Variants in GNA14 observed in about 807,000 individuals in gnomAD.
GNA14 encodes guanine nucleotide-binding protein subunit alpha-14.
Under a neutral mutation model 42.0 loss-of-function variants are expected in GNA14, and 50 were observed. That is an observed-to-expected ratio of 1.19 (90% CI 0.95 to 1.51). The LOEUF (loss-of-function observed/expected upper bound fraction) is 1.51. Among genes scored for constraint, GNA14 ranks in the 40% most tolerant of loss-of-function variants. The pLI, the probability that GNA14 is intolerant of heterozygous loss-of-function variation, is 0.00. For missense variants in GNA14, 473 were observed against 446.2 expected (o/e 1.06, Z -0.54); for synonymous variants, 173 against 163.1 (o/e 1.06, Z -0.46).
intron 2 of GNA14, among the ~76,000 whole-genome samples, chr9:77,519,889 A>G (rs937009626): frequency 6.6e-6 from 1 of 152,116 alleles, no homozygotes; most frequent in Non-Finnish European, 1.5e-5. Context: ...ATATGCCTGT[A>G]ATCCCAGCTA....
rs546898763 is a variant in GNA14, at chr9:77,631,415, T to G, written c.124+16255A>C. ...AAAACATCTTGTATTACAGAGAATC[T>G]GTATTCAGGAGACTGCTAGCAGTCT... On this transcript the variant is annotated intron_variant, in intron 1 of 6. Coordinates refer to ENST00000341700, the MANE Select transcript of GNA14 (RefSeq NM_004297.4). Among the ~76,000 whole-genome samples, 3 of 150,038 alleles carry G rather than the reference T, an allele frequency of 2.0e-5. No individual in the cohort carries two copies. The East Asian group carries it at 5.9e-4, about 30-fold the overall frequency.
At chr9:77,584,507 A>C in intron 1 of GNA14, among the ~76,000 whole-genome samples, 1 of 147,848 alleles carries the variant, frequency 6.8e-6, no homozygotes, top group South Asian at 2.2e-4. Context: ...CCTGTGACTT[A>C]CCCCCCACCC....
intron 2 of GNA14, among the ~76,000 whole-genome samples, chr9:77,510,274 T>A (rs1048039609): frequency 6.6e-6 from 1 of 152,224 alleles, no homozygotes; most frequent in African/African-American, 2.4e-5. Context: ...CCAAGGTTCA[T>A]GCATGTTGTA....
chr9:77,642,031 C>CA lies in GNA14; in HGVS notation c.124+5638dup, dbSNP rs112679683. On this transcript the variant is annotated intron_variant, in intron 1 of 6. Transcript: ENST00000341700. The stretch of plus-strand genomic sequence containing the variant: ...CGGTTCCAAATAAAAAGTAAACAAA[C>CA]AAAAAAAAAGATTTGGAGCAGGAGA... 2.8e-3 allele frequency among the ~76,000 whole-genome samples: 417 copies of CA among 150,518 alleles called. 2 individuals are homozygous for CA. Among genetic ancestry groups the CA allele is most frequent in the African/African-American group, 7.5e-3 (306 of 41,010 alleles).
At chr9:77,625,972 T>C (rs1481151944) in intron 1 of GNA14, among the ~76,000 whole-genome samples, 2 of 151,920 alleles carry the variant, frequency 1.3e-5, no homozygotes, top group Admixed American at 1.3e-4. Context: ...CCCCTTGGTG[T>C]GCTGTATTCA....
At chr9:77,506,401 G>A (rs1837070555) in intron 2 of GNA14, among the ~76,000 whole-genome samples, 1 of 151,994 alleles carries the variant, frequency 6.6e-6, no homozygotes, top group African/African-American at 2.4e-5. Context: ...ATGAGAGGCC[G>A]GGCGCAGTGG....
chr9:77,578,797 G>C (rs1487768035), intron 1 of GNA14, among the ~76,000 whole-genome samples: 1 of 152,146 alleles, frequency 6.6e-6, no homozygotes, highest in Non-Finnish European at 1.5e-5. Context: ...CAAATACAAA[G>C]AGGATTCATT....
At chr9:77,427,223 C>T (rs2131686336) in intron 5 of GNA14, among the ~76,000 whole-genome samples, 1 of 152,152 alleles carries the variant, frequency 6.6e-6, no homozygotes, top group East Asian at 1.9e-4. Context: ...GTCCCTTGTG[C>T]ACCTTACTAA....
In GNA14 at chr9:77,647,979, T is replaced by G; in HGVS notation, c.-186A>C. On this transcript the variant is annotated 5_prime_UTR_variant, in exon 1 of 7. Coordinates refer to ENST00000341700, the MANE Select transcript of GNA14 (RefSeq NM_004297.4). ...TCAATCCCCCTTCGAAAGTCGGCTCTGAGGCGGGGTGAATGCCGAGCGCTG... is the reference window on the plus strand; with the variant it reads ...TCAATCCCCCTTCGAAAGTCGGCTCGGAGGCGGGGTGAATGCCGAGCGCTG... 1 of 637,996 alleles carries G rather than the reference T, an allele frequency of 1.6e-6. No individual in the cohort carries two copies. Among genetic ancestry groups the G allele is most frequent in the Non-Finnish European group, 2.6e-6 (1 of 386,718 alleles). 39.5% of individuals were successfully genotyped at this position (637,996 alleles called of 1,614,324 possible).
intron 1 of GNA14, chr9:77,635,215 T>A (rs1404372904): frequency 3.3e-5 from 5 of 152,138 alleles, no homozygotes; most frequent in Non-Finnish European, 7.3e-5. Flanking sequence ...AAATATGGAA[T>A]GCTTCATGAA....
At chr9:77,578,535 G>T (rs2117851297) in intron 1 of GNA14, among the ~76,000 whole-genome samples, 1 of 152,274 alleles carries the variant, frequency 6.6e-6, no homozygotes, top group East Asian at 1.9e-4. Flanking sequence ...AACTAGAAAA[G>T]GACATGTTTA....
Position 77,620,078 on chromosome 9 carries a change from G to T in GNA14, c.124+27592C>A, listed in dbSNP as rs112893186. Among the ~76,000 whole-genome samples, 3 of 151,236 alleles carry T rather than the reference G, an allele frequency of 2.0e-5. No homozygotes were observed. In the South Asian group the frequency reaches 6.3e-4, roughly 32 times the overall value. On this transcript the variant is annotated intron_variant, in intron 1 of 6. Coordinates refer to ENST00000341700, the MANE Select transcript of GNA14 (RefSeq NM_004297.4). ...CTCAGTTACACTGGAGGCACATTAC[G>T]TGTGTGTGCACACACACACACGTGC...
intron 2 of GNA14, among the ~76,000 whole-genome samples, chr9:77,483,341 C>T (rs1836596781): frequency 6.6e-6 from 1 of 152,182 alleles, no homozygotes; most frequent in Non-Finnish European, 1.5e-5. Context: ...TTTGCCTGGG[C>T]ATCAGGAGCA....
At chr9:77,586,775 A>ATAGGTTCTC (rs1248208695) in intron 1 of GNA14, among the ~76,000 whole-genome samples, 2 of 152,148 alleles carry the variant, frequency 1.3e-5, no homozygotes, top group Non-Finnish European at 2.9e-5. Flanking sequence ...TATTATGCAG[A>ATAGGTTCTC]TAGGTTCTCT....
At chr9:77,597,580 A>G (rs1823486589) in intron 1 of GNA14, among the ~76,000 whole-genome samples, 1 of 151,798 alleles carries the variant, frequency 6.6e-6, no homozygotes, top group South Asian at 2.1e-4. Context: ...CTATGGTTCT[A>G]TCTTCAGTGC....
chr9:77,434,382 C>T lies in GNA14; in HGVS notation c.450G>A (p.Ser150=), dbSNP rs1801258. Residue 150 remains serine (S), a synonymous_variant, in exon 3 of 7, where the codon TCG becomes TCA. Coordinates refer to ENST00000341700, the MANE Select transcript of GNA14 (RefSeq NM_004297.4). The part of the protein sequence containing the change: ...CYDRRREYQL[S]DSAKYYLTDI... ...TCTGTACTCACTATTTGGCAGAGTC[C>T]GACAGCTGGTACTCCCTCCTCCTGT... 477,531 of 1,613,000 alleles carry T rather than the reference C, an allele frequency of 0.3. 73,121 individuals are homozygous for T. Among genetic ancestry groups the T allele is most frequent in the African/African-American group, 0.5 (37,143 of 74,872 alleles).
At chr9:77,489,421 C>G (rs973976434) in intron 2 of GNA14, among the ~76,000 whole-genome samples, 1 of 152,184 alleles carries the variant, frequency 6.6e-6, no homozygotes, top group Non-Finnish European at 1.5e-5. Flanking sequence ...ACAGGAAGAT[C>G]AGTGAACACC....
intron 1 of GNA14, among the ~76,000 whole-genome samples, chr9:77,534,359 C>T (rs542048814): frequency 6.6e-6 from 1 of 152,308 alleles, no homozygotes; most frequent in East Asian, 1.9e-4. Context: ...CATATAAGTA[C>T]AAAAGGCCTT....
At chr9:77,585,056 G>T (rs1823282307) in intron 1 of GNA14, among the ~76,000 whole-genome samples, 1 of 152,208 alleles carries the variant, frequency 6.6e-6, no homozygotes, top group East Asian at 1.9e-4. Context: ...CTGTGACTTA[G>T]AATGCCGAAC....
Sources: allele counts gnomAD v4.1 joint callset (sites outside exome capture counted in the v4.1 genomes callset), GRCh38; gene constraint gnomAD v4.1.1; transcripts MANE v1.5; gene names NCBI Gene and HGNC (gene_info 2026-07-23, HGNC 2026-07-21).